Variants in ASCC3 observed in about 807,000 individuals in gnomAD.
ASCC3 encodes the protein ASC-1 complex subunit P200.
A neutral mutation model predicts 256.3 loss-of-function variants in ASCC3; 158 were observed. That is an observed-to-expected ratio of 0.62 (90% CI 0.54 to 0.70). The LOEUF (loss-of-function observed/expected upper bound fraction) is 0.70. ASCC3 is among the 30% of genes least tolerant of loss of function. The pLI is 0.00. For missense variants in ASCC3, 2,259 were observed against 2,626.0 expected, an observed-to-expected ratio of 0.86 and a Z score of 3.05; for synonymous variants, 948 against 883.4, an observed-to-expected ratio of 1.07 and a Z score of -1.30.
chr6:100,516,162 C>G lies in ASCC3; in HGVS notation c.6075+18G>C. 6.2e-7 allele frequency: 1 copy of G among 1,613,376 alleles called. No homozygotes were observed. Among genetic ancestry groups the G allele is most frequent in the Non-Finnish European group, 8.5e-7 (1 of 1,179,450 alleles). On this transcript the variant is annotated intron_variant, in intron 39 of 41. Coordinates refer to ENST00000369162, the MANE Select transcript of ASCC3 (RefSeq NM_006828.4). ...TCAGAGTAGGGGAGCCTTCAAAACA[C>G]TTAAGAGATGGTCTTACCTGTTTCG... is the stretch of plus-strand genomic sequence containing the variant.
chr6:100,618,308 T>A (rs1773768542), intron 30 of ASCC3, among the ~76,000 whole-genome samples: 1 of 152,140 alleles, frequency 6.6e-6, no homozygotes, highest in Non-Finnish European at 1.5e-5. Flanking sequence ...ATTAGCCAGA[T>A]GGTAAGGAGT....
rs541474576 is a variant in ASCC3, at chr6:100,565,461, A to AAAAT, written c.5550+24169_5550+24172dup. 2.6e-3 allele frequency among the ~76,000 whole-genome samples: 398 copies of AAAAT among 152,202 alleles called. 2 individuals are homozygous for AAAAT. Among genetic ancestry groups the AAAAT allele is most frequent in the African/African-American group, 7.6e-3 (315 of 41,540 alleles). On this transcript the variant is annotated intron_variant, in intron 36 of 41. Transcript: ENST00000369162. ...CTTCTAATTACTAAGTGGCTTTTTA[A>AAAAT]AAATAAATAAATAAATAAATAAATA...
rs970079636 is a variant in ASCC3 at position 100,808,281 on chromosome 6, A to G, written c.802-2401T>C. The stretch of plus-strand genomic sequence containing the variant: ...CATATATGATGTTATAAAATTATAC[A>G]TGGGTAAAAAAATCCATTAAAAATG... On this transcript the variant is annotated intron_variant, in intron 4 of 41. Coordinates refer to ENST00000369162, the MANE Select transcript of ASCC3 (RefSeq NM_006828.4). Among the ~76,000 whole-genome samples, 9 of 104,006 alleles carry G rather than the reference A, an allele frequency of 8.7e-5. No individual in the cohort carries two copies. In the South Asian group the frequency reaches 4.4e-3, roughly 51 times the overall value. The allele number at this position is 104,006 out of a possible 152,430, so 68.2% of individuals were successfully genotyped here. A position where few individuals can be genotyped will look rare whatever the true frequency, so the allele number is the denominator to read the frequency against.
At chr6:100,773,911 C>T (rs1782053253) in intron 8 of ASCC3, among the ~76,000 whole-genome samples, 1 of 152,084 alleles carries the variant, frequency 6.6e-6, no homozygotes, top group South Asian at 2.1e-4. Flanking sequence ...AGCAAAAGCC[C>T]TATATTCAAC....
intron 39 of ASCC3, among the ~76,000 whole-genome samples, chr6:100,514,792 G>A (rs1362457141): frequency 3.3e-5 from 5 of 152,100 alleles, no homozygotes; most frequent in South Asian, 2.1e-4. Flanking sequence ...GTCAGCAGCC[G>A]TTCCAGGCAT....
At position 100,767,182 on chromosome 6, in the gene ASCC3, T is replaced by C; in HGVS notation, c.1559A>G (p.His520Arg). Reference sequence around the variant, plus strand: ...CTTTTTGATAACACCTTGTTGAAAATGTTGGCGAATTTCATGCAAGACTGT... The same window carrying C: ...CTTTTTGATAACACCTTGTTGAAAACGTTGGCGAATTTCATGCAAGACTGT... Reference protein sequence around the residue: ...MLTVLHEIRQHFQQGVIKKNE... With the variant: ...MLTVLHEIRQRFQQGVIKKNE... The change falls in exon 9 of 42, where the codon CAT becomes CGT. Residue 520 changes from histidine to arginine, a missense_variant. This residue lies in a region of ASCC3 where 1,839 missense variants were observed against 2,206.7 expected (regional missense o/e 0.83). Transcript: ENST00000369162. 1 of 1,614,152 alleles carries C rather than the reference T, an allele frequency of 6.2e-7. No individual in the cohort carries two copies. The highest frequency in any genetic ancestry group is 8.5e-7 in the Non-Finnish European group (1 of 1,180,026).
chr6:100,731,892 T>C (rs1022466454), intron 10 of ASCC3, among the ~76,000 whole-genome samples: 1 of 152,188 alleles, frequency 6.6e-6, no homozygotes, highest in Non-Finnish European at 1.5e-5. Context: ...TCGGGTGTGG[T>C]GGCTCATGCC....
intron 4 of ASCC3, among the ~76,000 whole-genome samples, chr6:100,834,770 G>C (rs1419146412): frequency 1.3e-5 from 2 of 152,062 alleles, no homozygotes; most frequent in African/African-American, 4.8e-5. Flanking sequence ...CTTAGCAATA[G>C]AAAGTCTGAA....
intron 8 of ASCC3, among the ~76,000 whole-genome samples, chr6:100,786,696 T>G (rs901250944): frequency 5.3e-5 from 8 of 152,304 alleles, no homozygotes; most frequent in Admixed American, 4.6e-4. Context: ...TTCAGTTTTA[T>G]TGCCATGATT....
Position 100,510,013 on chromosome 6 carries a change from A to C in ASCC3, c.6380T>G (p.Leu2127Arg). Residue 2127 changes from leucine to arginine, a missense_variant, in exon 41 of 42, where the codon CTT (leucine) becomes CGT (arginine). Coordinates refer to ENST00000369162, the MANE Select transcript of ASCC3 (RefSeq NM_006828.4). ...ATATCCTACTCTTTTCAAAGCAATA[A>C]GTTCTCTCTTATCCACTTCTCCTAA... ...LILGEVDKRE[L>R]IALKRVGYIR... 6.2e-7 allele frequency: 1 copy of C among 1,614,146 alleles called. No individual in the cohort carries two copies. The highest frequency in any genetic ancestry group is 8.5e-7 in the Non-Finnish European group (1 of 1,179,988).
intron 30 of ASCC3, among the ~76,000 whole-genome samples, chr6:100,609,170 A>G (rs1773263987): frequency 6.6e-6 from 1 of 151,942 alleles, no homozygotes; most frequent in Non-Finnish European, 1.5e-5. Context: ...TGTTGCTTAG[A>G]AAACTTTTCC....
chr6:100,618,256 G>A (rs1316343100), intron 30 of ASCC3, among the ~76,000 whole-genome samples: 1 of 152,158 alleles, frequency 6.6e-6, no homozygotes, highest in East Asian at 1.9e-4. Context: ...AAGTAGAGAT[G>A]ATGCAAGTTG....
intron 2 of ASCC3, among the ~76,000 whole-genome samples, chr6:100,866,943 G>A (rs1773509321): frequency 6.6e-6 from 1 of 152,112 alleles, no homozygotes; most frequent in African/African-American, 2.4e-5. Context: ...GAATTTTCTG[G>A]AAGTCTTGAT....
intron 11 of ASCC3, among the ~76,000 whole-genome samples, chr6:100,720,818 TAATA>T (rs1037867996): frequency 6.7e-6 from 1 of 148,480 alleles, no homozygotes; most frequent in Admixed American, 6.8e-5. Context: ...TATACATATA[TAATA>T]TATATGATAT....
intron 1 of ASCC3, among the ~76,000 whole-genome samples, chr6:100,875,551 A>G (rs902540112): frequency 5.9e-5 from 9 of 152,200 alleles, no homozygotes; most frequent in Admixed American, 1.3e-4. Flanking sequence ...ACATACATAC[A>G]TATAAACAAC....
chr6:100,730,582 TACTC>T (rs1324811514), intron 10 of ASCC3, among the ~76,000 whole-genome samples: 3 of 152,296 alleles, frequency 2.0e-5, no homozygotes, highest in African/African-American at 7.2e-5. Flanking sequence ...CATAATCACA[TACTC>T]AGTCAACCGA....
At chr6:100,865,189 C>T (rs1274306976) in intron 2 of ASCC3, among the ~76,000 whole-genome samples, 1 of 152,040 alleles carries the variant, frequency 6.6e-6, no homozygotes, top group Non-Finnish European at 1.5e-5. Context: ...GAGTCGTAAG[C>T]ATATTAAGGT....
chr6:100,567,101 A>G (rs562585880), intron 36 of ASCC3, among the ~76,000 whole-genome samples: 2 of 151,172 alleles, frequency 1.3e-5, no homozygotes, highest in African/African-American at 2.5e-5. Flanking sequence ...TAGCTTTTAA[A>G]TTATTTTAAA....
chr6:100,700,566 T>C (rs1331196858), intron 13 of ASCC3, among the ~76,000 whole-genome samples: 1 of 152,060 alleles, frequency 6.6e-6, no homozygotes, highest in Non-Finnish European at 1.5e-5. Flanking sequence ...CAACACCAGC[T>C]CGTGAAAGCA....
Sources: allele counts gnomAD v4.1 joint callset (sites outside exome capture counted in the v4.1 genomes callset), GRCh38; gene constraint gnomAD v4.1.1; regional missense constraint gnomAD v4.1.1; transcripts MANE v1.5; gene names NCBI Gene and HGNC (gene_info 2026-07-23, HGNC 2026-07-21).